Variants in MEIKIN observed in about 807,000 individuals in gnomAD.
MEIKIN encodes meiosis-specific kinetochore protein.
chr5:131,941,142 C>CTTTTTTTTTTTTTTT (rs397999274), intron 4 of MEIKIN, among the ~76,000 whole-genome samples: 10 of 59,662 alleles, frequency 1.7e-4, no homozygotes, highest in African/African-American at 6.1e-4. Context: ...AGATCTCTTC[C>CTTTTTTTTTTTTTTT]TTTTTTTTTT....
chr5:131,828,775 T>C (rs1486898248), intron 11 of MEIKIN, among the ~76,000 whole-genome samples: 1 of 152,214 alleles, frequency 6.6e-6, no homozygotes, highest in African/African-American at 2.4e-5. Context: ...TTCTCTGACC[T>C]TGATGTAATT....
intron 8 of MEIKIN, among the ~76,000 whole-genome samples, chr5:131,884,160 G>C (rs1750739401): frequency 6.6e-6 from 1 of 151,854 alleles, no homozygotes. Context: ...GGGTGGGCAG[G>C]GCGGGGTGGT....
intron 8 of MEIKIN, among the ~76,000 whole-genome samples, chr5:131,895,922 T>C (rs554869378): frequency 1.1e-4 from 17 of 152,346 alleles, no homozygotes; most frequent in Admixed American, 2.6e-4. Context: ...TCTTGCCTTC[T>C]GCTAGCTTTT....
At chr5:131,895,923 G>T (rs1440298739) in intron 8 of MEIKIN, among the ~76,000 whole-genome samples, 2 of 152,074 alleles carry the variant, frequency 1.3e-5, no homozygotes, top group African/African-American at 2.4e-5. Context: ...CTTGCCTTCT[G>T]CTAGCTTTTG....
At chr5:131,937,294 T>C (rs910798029) in intron 4 of MEIKIN, among the ~76,000 whole-genome samples, 4 of 152,182 alleles carry the variant, frequency 2.6e-5, no homozygotes, top group Admixed American at 2.6e-4. Flanking sequence ...TAGGTTAGTA[T>C]ATTTAAGAGA....
chr5:131,814,347 G>T (rs1376063834), intron 12 of MEIKIN, among the ~76,000 whole-genome samples: 1 of 150,522 alleles, frequency 6.6e-6, no homozygotes, highest in Admixed American at 6.7e-5. Flanking sequence ...CGTGATTACA[G>T]CTTACTGCAG....
intron 8 of MEIKIN, among the ~76,000 whole-genome samples, chr5:131,886,802 TTTA>T: frequency 6.6e-6 from 1 of 152,124 alleles, no homozygotes; most frequent in Non-Finnish European, 1.5e-5. Flanking sequence ...CTCTTATCTC[TTTA>T]TTTTTTATTT....
At chr5:131,820,779 A>G (rs1049593517) in intron 11 of MEIKIN, among the ~76,000 whole-genome samples, 1 of 152,154 alleles carries the variant, frequency 6.6e-6, no homozygotes, top group Non-Finnish European at 1.5e-5. Context: ...AATTTCTTCT[A>G]AATTTTCCAA....
chr5:131,898,025 C>T (rs1334525638), intron 8 of MEIKIN, among the ~76,000 whole-genome samples: 1 of 152,160 alleles, frequency 6.6e-6, no homozygotes, highest in Non-Finnish European at 1.5e-5. Context: ...CTGGTTTCCT[C>T]CCATCTTTGT....
intron 11 of MEIKIN, among the ~76,000 whole-genome samples, chr5:131,823,545 T>C (rs1345347619): frequency 1.3e-5 from 2 of 152,110 alleles, no homozygotes; most frequent in Non-Finnish European, 2.9e-5. Context: ...TTTTGAAGTA[T>C]TTGAATGCCT....
intron 6 of MEIKIN, among the ~76,000 whole-genome samples, chr5:131,920,173 GAAAT>G (rs1751481790): frequency 6.6e-6 from 1 of 152,032 alleles, no homozygotes; most frequent in African/African-American, 2.4e-5. Context: ...ATATATACTA[GAAAT>G]AAATAAATAA....
chr5:131,897,950 G>A lies in MEIKIN; in HGVS notation c.703+13865C>T, dbSNP rs138571643. 4.4e-3 allele frequency among the ~76,000 whole-genome samples: 673 copies of A among 152,232 alleles called. 11 individuals are homozygous for A. The highest frequency in any genetic ancestry group is 0.016 in the African/African-American group (652 of 41,542). Reference sequence around the variant, plus strand: ...CATCCAGCCTTGCTCTGTTGCTGGCGAGGAGATGCGATCCTTTGGAGGAGA... The same window carrying A: ...CATCCAGCCTTGCTCTGTTGCTGGCAAGGAGATGCGATCCTTTGGAGGAGA... On this transcript the variant is annotated intron_variant, in intron 8 of 12. Transcript: ENST00000442687.
Position 131,821,089 on chromosome 5 carries a change from T to C in MEIKIN, c.976-2226A>G, listed in dbSNP as rs141251010. 3.7e-3 allele frequency among the ~76,000 whole-genome samples: 571 copies of C among 152,316 alleles called. 4 individuals carry two copies. The highest frequency in any genetic ancestry group is 0.013 in the African/African-American group (540 of 41,570). ...TTTTCTAATTCTTTAAGATGCGTCA[T>C]TAGATTGCTTATTTGAAGTTTTTCC... On this transcript the variant is annotated intron_variant, in intron 11 of 12. Transcript: ENST00000442687.
intron 8 of MEIKIN, among the ~76,000 whole-genome samples, chr5:131,889,684 C>A (rs1302046265): frequency 1.3e-5 from 2 of 152,164 alleles, no homozygotes; most frequent in Non-Finnish European, 2.9e-5. Context: ...TCCTCTTTTC[C>A]TAATTGAATA....
At chr5:131,940,200 T>C (rs1407660169) in intron 4 of MEIKIN, among the ~76,000 whole-genome samples, 2 of 152,048 alleles carry the variant, frequency 1.3e-5, no homozygotes, top group Non-Finnish European at 2.9e-5. Context: ...CCAGGAGAAA[T>C]AGCTGCTGAA....
chr5:131,858,386 T>C (rs1441077033), intron 9 of MEIKIN, among the ~76,000 whole-genome samples: 1 of 152,220 alleles, frequency 6.6e-6, no homozygotes, highest in Non-Finnish European at 1.5e-5. Flanking sequence ...GCCAGCCATA[T>C]TCAGAAGACT....
chr5:131,910,622 G>A (rs980476167), intron 8 of MEIKIN, among the ~76,000 whole-genome samples: 43 of 152,138 alleles, frequency 2.8e-4, no homozygotes, highest in African/African-American at 1.0e-3. Flanking sequence ...AAATGCTTGA[G>A]GGCATGGATA....
At chr5:131,876,898 A>G (rs1410164507) in intron 9 of MEIKIN, among the ~76,000 whole-genome samples, 6 of 152,038 alleles carry the variant, frequency 3.9e-5, no homozygotes, top group South Asian at 4.2e-4. Flanking sequence ...TCGCAAGGAC[A>G]AAAAACCAAA....
At chr5:131,881,121 T>C (rs1313495132) in intron 8 of MEIKIN, among the ~76,000 whole-genome samples, 3 of 152,286 alleles carry the variant, frequency 2.0e-5, no homozygotes, top group South Asian at 4.1e-4. Context: ...AGATTAGATA[T>C]TAGCCTGAAA....
Sources: allele counts gnomAD v4.1 joint callset (sites outside exome capture counted in the v4.1 genomes callset), GRCh38; gene constraint gnomAD v4.1.1; transcripts MANE v1.5; gene names NCBI Gene and HGNC (gene_info 2026-07-23, HGNC 2026-07-21).